The following FBXL2 variants were observed in gnomAD, a reference collection of about 807,000 sequenced individuals.
The protein encoded by FBXL2 is F-box and leucine rich repeat protein 2.
A neutral mutation model predicts 69.2 loss-of-function variants in FBXL2; 38 were observed. That is an observed-to-expected ratio of 0.55 (90% CI 0.42 to 0.72). The LOEUF (loss-of-function observed/expected upper bound fraction) is 0.72. Among genes scored for constraint, FBXL2 ranks in the 30% least tolerant of loss-of-function variants. The pLI is 0.00. For synonymous variants in FBXL2, 192 were observed against 201.3 expected (o/e 0.95, Z 0.39); for missense variants, 354 against 520.3 (o/e 0.68, Z 3.11).
At chr3:33,362,320 A>G (rs1433925251) in intron 4 of FBXL2, among the ~76,000 whole-genome samples, 1 of 152,220 alleles carries the variant, frequency 6.6e-6, no homozygotes, top group East Asian at 1.9e-4. Flanking sequence ...AGAAATAACT[A>G]AGTAGTGTGT....
intron 3 of FBXL2, 48 bp from the exon 4 acceptor site, chr3:33,359,235 T>C: frequency 6.7e-7 from 1 of 1,486,928 alleles, no homozygotes; most frequent in Non-Finnish European, 9.3e-7. Context: ...TCTCAATAAA[T>C]GTGTTTCTTT....
the FBXL2 span, among the ~76,000 whole-genome samples, chr3:33,418,877 A>C: frequency 6.6e-6 from 1 of 151,716 alleles, no homozygotes; most frequent in Non-Finnish European, 1.5e-5. Flanking sequence ...AAAAAAAAAA[A>C]AAAAAAATTG....
intron 12 of FBXL2, among the ~76,000 whole-genome samples, chr3:33,402,532 A>C (rs1443354102): frequency 6.6e-6 from 1 of 152,204 alleles, no homozygotes; most frequent in African/African-American, 2.4e-5. Flanking sequence ...CTTACAAAGA[A>C]TATATCTTGG....
chr3:33,340,658 G>A (rs1022120465), intron 2 of FBXL2, among the ~76,000 whole-genome samples: 2 of 150,572 alleles, frequency 1.3e-5, no homozygotes, highest in Non-Finnish European at 3.0e-5. Flanking sequence ...TTGGGAGGCC[G>A]AGGCAGGCAG....
At chr3:33,293,149 C>T (rs908612400) in intron 1 of FBXL2, among the ~76,000 whole-genome samples, 19 of 152,194 alleles carry the variant, frequency 1.2e-4, no homozygotes, top group African/African-American at 4.3e-4. Context: ...AGCCACTGCA[C>T]CTAGCTGAGA....
At chr3:33,378,550 A>G in intron 12 of FBXL2, 135 bp from the exon 13 acceptor site, 1 of 796,034 alleles carries the variant, frequency 1.3e-6, no homozygotes, top group African/African-American at 1.7e-5. Context: ...TGAAGAGAGG[A>G]GCTCCCAGCC....
intron 5 of FBXL2, among the ~76,000 whole-genome samples, chr3:33,369,465 T>G (rs200479582): frequency 1.3e-5 from 2 of 152,320 alleles, no homozygotes; most frequent in East Asian, 3.9e-4. Flanking sequence ...TTTGATTTAG[T>G]ACAGTCTACC....
chr3:33,394,814 C>CTTGTTT (rs770661786), intron 12 of FBXL2, among the ~76,000 whole-genome samples: 1 of 122,112 alleles, frequency 8.2e-6, no homozygotes, highest in Admixed American at 9.1e-5. Context: ...CTGCCCTCCA[C>CTTGTTT]TTGTTTTTTT....
chr3:33,337,056 T>C lies in FBXL2; in HGVS notation c.66-21911T>C, dbSNP rs536377902. On this transcript the variant is annotated intron_variant, in intron 2 of 14. Transcript: ENST00000484457. ...CCCATCTCTATTAAAATACAAAAAATCAGCTGGACGTGGCGGCGTGTGCCT... is the reference window on the plus strand; with the variant it reads ...CCCATCTCTATTAAAATACAAAAAACCAGCTGGACGTGGCGGCGTGTGCCT... 1.5e-4 allele frequency among the ~76,000 whole-genome samples: 22 copies of C among 151,370 alleles called. 1 individual carries two copies. In the East Asian group the frequency reaches 4.3e-3, roughly 30 times the overall value.
chr3:33,359,291 C>T lies in FBXL2; in HGVS notation c.129C>T (p.Asn43=). The stretch of plus-strand genomic sequence containing the variant: ...TACCTCCCACCTTCCAGGCTTGGAA[C>T]ATCTTAGCCCTGGATGGAAGCAACT... The part of the protein sequence containing the change: ...CRCAQISKAW[N]ILALDGSNWQ... Residue 43 remains asparagine, a synonymous_variant, in exon 4 of 15, where the codon AAC becomes AAT. Coordinates refer to ENST00000484457, the MANE Select transcript of FBXL2 (RefSeq NM_012157.5). 6.2e-7 allele frequency: 1 copy of T among 1,610,254 alleles called. No individual in the cohort carries two copies. Among genetic ancestry groups the T allele is most frequent in the Non-Finnish European group, 8.5e-7 (1 of 1,177,436 alleles).
chr3:33,389,023 C>T (rs572499357), downstream of FBXL2: 1 of 152,480 alleles, frequency 6.6e-6, no homozygotes, highest in East Asian at 1.9e-4. Flanking sequence ...AAAATTCAGT[C>T]CCCTACACCA....
At chr3:33,360,640 A>G (rs1452077765) in intron 4 of FBXL2, among the ~76,000 whole-genome samples, 1 of 152,180 alleles carries the variant, frequency 6.6e-6, no homozygotes, top group Non-Finnish European at 1.5e-5. Flanking sequence ...CAGTGATTAC[A>G]ATAGTACTCC....
At chr3:33,396,122 G>T in intron 12 of FBXL2, 1 of 1,493,596 alleles carries the variant, frequency 6.7e-7, no homozygotes, top group Admixed American at 1.7e-5. Flanking sequence ...CTGTCTGACA[G>T]TCTCAGAAGT....
chr3:33,332,782 G>T (rs1448248338), intron 2 of FBXL2, among the ~76,000 whole-genome samples: 1 of 152,158 alleles, frequency 6.6e-6, no homozygotes, highest in Non-Finnish European at 1.5e-5. Context: ...TGGTATTTGT[G>T]TATAGAAAAG....
intron 1 of FBXL2, among the ~76,000 whole-genome samples, chr3:33,281,621 C>G (rs1340369868): frequency 6.6e-6 from 1 of 152,176 alleles, no homozygotes; most frequent in Non-Finnish European, 1.5e-5. Flanking sequence ...AATCGCCGCA[C>G]TGTCTTCCAC....
intron 2 of FBXL2, among the ~76,000 whole-genome samples, chr3:33,320,604 C>T (rs1228015090): frequency 6.6e-6 from 1 of 151,928 alleles, no homozygotes; most frequent in African/African-American, 2.4e-5. Context: ...CCTCAGCGTC[C>T]TGAGTAGCTG....
Position 33,332,040 on chromosome 3 carries a change from CA to C in FBXL2, c.66-26924del, listed in dbSNP as rs1436707082. 5.3e-5 allele frequency among the ~76,000 whole-genome samples: 8 copies of C among 151,742 alleles called. No individual in the cohort carries two copies. The East Asian group carries it at 1.5e-3, about 29-fold the overall frequency. ...AGAATGGATTAAATATATAAATCAC[CA>C]AATTGAAAAAGCATATCAGGTTCTG... On this transcript the variant is annotated intron_variant, in intron 2 of 14. Coordinates refer to ENST00000484457, the MANE Select transcript of FBXL2 (RefSeq NM_012157.5).
chr3:33,345,201 G>A (rs549124078), intron 2 of FBXL2, among the ~76,000 whole-genome samples: 5 of 152,274 alleles, frequency 3.3e-5, no homozygotes, highest in African/African-American at 9.6e-5. Flanking sequence ...AGGCTCTAGG[G>A]GAGAATCCAT....
At chr3:33,411,298 C>T in the FBXL2 span, among the ~76,000 whole-genome samples, 2,120 of 152,190 alleles carry the variant, frequency 0.014, 21 homozygotes, top group South Asian at 0.027. Flanking sequence ...AGCTTGTGTT[C>T]AAGAGAAATA....
Sources: allele counts gnomAD v4.1 joint callset (sites outside exome capture counted in the v4.1 genomes callset), GRCh38; gene constraint gnomAD v4.1.1; transcripts MANE v1.5; gene names NCBI Gene and HGNC (gene_info 2026-07-23, HGNC 2026-07-21).